The following MAGI1 variants were observed in gnomAD, a reference collection of about 807,000 sequenced individuals.
The protein encoded by MAGI1 is membrane-associated guanylate kinase, WW and PDZ domain-containing protein 1.
A neutral mutation model predicts 139.9 loss-of-function variants in MAGI1; 58 were observed. The ratio of observed to expected loss-of-function variants is 0.41; its 90% CI spans 0.34 to 0.52. MAGI1 has a LOEUF of 0.52. Among genes scored for constraint, MAGI1 ranks in the 20% least tolerant of loss-of-function variants. MAGI1 has a pLI of 0.12. For missense variants in MAGI1, 1,874 were observed against 1,901.6 expected (o/e 0.99, Z 0.27); for synonymous variants, 812 against 737.9 (o/e 1.10, Z -1.63).
At chr3:65,662,588 T>C (rs2086260978) in intron 1 of MAGI1, among the ~76,000 whole-genome samples, 1 of 152,236 alleles carries the variant, frequency 6.6e-6, no homozygotes, top group Non-Finnish European at 1.5e-5. Context: ...ATGATGTTTC[T>C]CTTTTTTATT....
chr3:65,576,380 C>T (rs1223073200), intron 2 of MAGI1, among the ~76,000 whole-genome samples: 1 of 152,142 alleles, frequency 6.6e-6, no homozygotes, highest in African/African-American at 2.4e-5. Context: ...TGATCCTTGT[C>T]AATCCTACGT....
intron 2 of MAGI1, among the ~76,000 whole-genome samples, chr3:65,594,416 C>T (rs1000123233): frequency 1.3e-5 from 2 of 152,204 alleles, no homozygotes; most frequent in African/African-American, 2.4e-5. Context: ...TCAACAAGAC[C>T]GAGGAAGCAA....
chr3:65,810,916 T>C (rs1170169506), intron 1 of MAGI1, among the ~76,000 whole-genome samples: 1 of 152,234 alleles, frequency 6.6e-6, no homozygotes, highest in African/African-American at 2.4e-5. Flanking sequence ...AGTACCTTCA[T>C]TACCTTGCAA....
intron 1 of MAGI1, among the ~76,000 whole-genome samples, chr3:65,684,401 T>A (rs761182631): frequency 4.7e-4 from 72 of 152,258 alleles, no homozygotes; most frequent in Middle Eastern, 6.8e-3. Context: ...TATACACATA[T>A]CATGAAATAC....
At chr3:65,710,264 CATTTCTTTT>C (rs1434991597) in intron 1 of MAGI1, among the ~76,000 whole-genome samples, 3 of 127,716 alleles carry the variant, frequency 2.3e-5, no homozygotes, top group African/African-American at 8.8e-5. Context: ...ATTAACCTTA[CATTTCTTTT>C]TTTTTTTTTT....
Position 65,429,638 on chromosome 3 carries a change from C to G in MAGI1, c.2049G>C (p.Gly683=). Residue 683 remains glycine, a synonymous_variant, in exon 12 of 23, where the codon GGG becomes GGC. Coordinates refer to ENST00000402939, the MANE Select transcript of MAGI1 (RefSeq NM_001033057.2). The part of the protein sequence containing the change: ...DSPRCRGLKE[G]DLIVEVNKKN... ...TCTTATTAACTTCCACTATGAGATC[C>G]CCTTCTTTCAGGCCTCGGCACCTTG... is the stretch of plus-strand genomic sequence containing the variant. 1 of 1,613,902 alleles carries G rather than the reference C, an allele frequency of 6.2e-7. No individual in the cohort carries two copies. Among genetic ancestry groups the G allele is most frequent in the African/African-American group, 1.3e-5 (1 of 74,992 alleles).
chr3:65,382,102 G>GTTT, intron 15 of MAGI1, 33 bp from the exon 16 acceptor site: 1 of 1,524,086 alleles, frequency 6.6e-7, no homozygotes, highest in Non-Finnish European at 9.0e-7. Flanking sequence ...ATGAAACATT[G>GTTT]CTCTCCTATG....
At chr3:65,710,487 G>C (rs1218345211) in intron 1 of MAGI1, among the ~76,000 whole-genome samples, 1 of 151,832 alleles carries the variant, frequency 6.6e-6, no homozygotes, top group Non-Finnish European at 1.5e-5. Context: ...TCCATATTGA[G>C]GCTGGTCTCG....
At chr3:65,667,646 C>T (rs978817750) in intron 1 of MAGI1, among the ~76,000 whole-genome samples, 1 of 152,126 alleles carries the variant, frequency 6.6e-6, no homozygotes, top group Non-Finnish European at 1.5e-5. Context: ...ATCATGGCTC[C>T]GTGCAGCCTC....
intron 1 of MAGI1, among the ~76,000 whole-genome samples, chr3:65,767,987 T>C (rs1388307848): frequency 6.6e-6 from 1 of 152,258 alleles, no homozygotes; most frequent in Non-Finnish European, 1.5e-5. Context: ...TTGGATGTCA[T>C]GCTCTCCAAT....
intron 2 of MAGI1, among the ~76,000 whole-genome samples, chr3:65,612,576 G>A (rs548851303): frequency 3.3e-5 from 5 of 152,072 alleles, no homozygotes; most frequent in South Asian, 2.1e-4. Context: ...CACAATTGAC[G>A]TTTTCTTGTT....
intron 1 of MAGI1, among the ~76,000 whole-genome samples, chr3:66,030,868 T>C: frequency 6.6e-6 from 1 of 152,328 alleles, no homozygotes; most frequent in Middle Eastern, 3.4e-3. Flanking sequence ...TATTTAATCA[T>C]AAAAGACACT....
chr3:65,525,658 T>G (rs753115164), intron 2 of MAGI1, among the ~76,000 whole-genome samples: 19 of 152,214 alleles, frequency 1.2e-4, no homozygotes, highest in Non-Finnish European at 1.9e-4. Flanking sequence ...GTCATTCAAT[T>G]ACAGTCACAG....
intron 1 of MAGI1, among the ~76,000 whole-genome samples, chr3:65,993,842 A>G (rs1043845004): frequency 6.6e-6 from 1 of 152,134 alleles, no homozygotes; most frequent in African/African-American, 2.4e-5. Flanking sequence ...ACAAAATTCT[A>G]CCTGATTGCA....
At chr3:65,688,131 G>A (rs2088226803) in intron 1 of MAGI1, 4 of 768,568 alleles carry the variant, frequency 5.2e-6, no homozygotes, top group Non-Finnish European at 9.2e-6. Flanking sequence ...TCTAGGTGCA[G>A]GACTGTTCCT....
chr3:65,951,682 A>T (rs775674893), intron 1 of MAGI1, among the ~76,000 whole-genome samples: 1 of 152,246 alleles, frequency 6.6e-6, no homozygotes, highest in Non-Finnish European at 1.5e-5. Context: ...GGTTCGCATT[A>T]TATTTCTATT....
rs1223894173 is a variant in MAGI1 at position 65,586,209 on chromosome 3, A to T, written c.430+35763T>A. On this transcript the variant is annotated intron_variant, in intron 2 of 22. Coordinates refer to ENST00000402939, the MANE Select transcript of MAGI1 (RefSeq NM_001033057.2). Reference sequence around the variant, plus strand: ...TGAGCAACAGAAAGAGACCCTGTCTAAAAAAAAAAAGCAACAACAGGGATG... The same window carrying T: ...TGAGCAACAGAAAGAGACCCTGTCTTAAAAAAAAAAGCAACAACAGGGATG... 2.0e-4 allele frequency among the ~76,000 whole-genome samples: 29 copies of T among 144,370 alleles called. 1 individual carries two copies. The Admixed American group carries it at 2.0e-3, about 10-fold the overall frequency. The allele number at this position is 144,370 out of a possible 152,430, so 94.7% of individuals were successfully genotyped here.
At chr3:65,824,016 T>A (rs1052490875) in intron 1 of MAGI1, among the ~76,000 whole-genome samples, 3 of 152,198 alleles carry the variant, frequency 2.0e-5, no homozygotes. Context: ...AAATGAAGAA[T>A]CTTTTAAAAT....
At chr3:65,995,522 C>T (rs990912916) in intron 1 of MAGI1, among the ~76,000 whole-genome samples, 6 of 149,210 alleles carry the variant, frequency 4.0e-5, no homozygotes, top group Admixed American at 6.7e-5. Context: ...TAAGGATATA[C>T]GGCTCCCTTA....
Sources: allele counts gnomAD v4.1 joint callset (sites outside exome capture counted in the v4.1 genomes callset), GRCh38; gene constraint gnomAD v4.1.1; transcripts MANE v1.5; gene names NCBI Gene and HGNC (gene_info 2026-07-23, HGNC 2026-07-21).